The following ABLIM1 variants were observed in gnomAD, a reference collection of about 807,000 sequenced individuals.
ABLIM1 encodes the protein actin binding LIM protein 1.
In ABLIM1, 40 loss-of-function variants were observed where a neutral mutation model predicts 107.0. The observed-to-expected ratio is 0.37, with a 90% CI of 0.29 to 0.49. The LOEUF (loss-of-function observed/expected upper bound fraction) is 0.49. Ranked by LOEUF, ABLIM1 falls within the 20% of genes least tolerant of loss-of-function variation. ABLIM1 has a pLI of 0.97. For missense variants in ABLIM1, 857 were observed against 1,008.5 expected, an observed-to-expected ratio of 0.85 and a Z score of 2.04; for synonymous variants, 357 against 357.3, an observed-to-expected ratio of 1.00 and a Z score of 0.01.
chr10:114,461,036 T>A (rs946764280), intron 12 of ABLIM1, among the ~76,000 whole-genome samples: 9 of 152,140 alleles, frequency 5.9e-5, no homozygotes, highest in African/African-American at 2.2e-4. Flanking sequence ...TTCTTAAATA[T>A]CAGAAATAAC....
chr10:114,660,694 A>T (rs2079755436), upstream of ABLIM1, among the ~76,000 whole-genome samples: 1 of 152,210 alleles, frequency 6.6e-6, no homozygotes, highest in Admixed American at 6.5e-5. Flanking sequence ...TGCTCTTTGC[A>T]AACTGAGAAC....
At chr10:114,794,659 A>G in the ABLIM1 span, among the ~76,000 whole-genome samples, 1 of 152,242 alleles carries the variant, frequency 6.6e-6, no homozygotes, top group Non-Finnish European at 1.5e-5. Flanking sequence ...TTCAAACTAC[A>G]TACTAATCAC....
intron 8 of ABLIM1, among the ~76,000 whole-genome samples, chr10:114,482,349 A>G (rs954674530): frequency 6.6e-6 from 1 of 152,204 alleles, no homozygotes; most frequent in Non-Finnish European, 1.5e-5. Context: ...CTTTCCTGCT[A>G]TAGATTTTAC....
At chr10:114,558,753 C>T (rs1414467328) in intron 4 of ABLIM1, among the ~76,000 whole-genome samples, 4 of 152,116 alleles carry the variant, frequency 2.6e-5, no homozygotes, top group Non-Finnish European at 5.9e-5. Context: ...GTTCATTTCT[C>T]TGAACAATAA....
At chr10:114,597,531 A>C (rs2075545702) in intron 2 of ABLIM1, among the ~76,000 whole-genome samples, 1 of 152,104 alleles carries the variant, frequency 6.6e-6, no homozygotes, top group South Asian at 2.1e-4. Context: ...AGGAAGGAAA[A>C]GGAAAGAAAT....
chr10:114,787,586 T>G, the ABLIM1 span, among the ~76,000 whole-genome samples: 4 of 125,702 alleles, frequency 3.2e-5, no homozygotes, highest in African/African-American at 6.2e-5. Flanking sequence ...AGGTGGGGGG[T>G]CAGCCCCCCG....
intron 6 of ABLIM1, among the ~76,000 whole-genome samples, chr10:114,516,034 G>A (rs140974823): frequency 9.9e-4 from 150 of 152,280 alleles, no homozygotes; most frequent in African/African-American, 3.0e-3. Context: ...GGTTTGAGGT[G>A]AGTTTCTGTC....
In ABLIM1 at chr10:114,526,585, C is replaced by T. The variant is rs887385239; in HGVS notation, c.894+18420G>A. On this transcript the variant is annotated intron_variant, in intron 6 of 22. Coordinates refer to ENST00000533213, the MANE Select transcript of ABLIM1 (RefSeq NM_002313.7). ...AGGATCCGAGCGGCCTCCGACCTCA[C>T]GAAGGAAGCCAGAAATCTCACATCT... 3 of 981,422 alleles carry T rather than the reference C, an allele frequency of 3.1e-6. No homozygotes were observed. The African/African-American group carries it at 5.2e-5, about 17-fold the overall frequency. 60.8% of individuals were successfully genotyped at this position (981,422 alleles called of 1,614,324 possible). A position where few individuals can be genotyped will look rare whatever the true frequency, so the allele number is the denominator to read the frequency against.
intron 2 of ABLIM1, among the ~76,000 whole-genome samples, chr10:114,591,056 A>G (rs2139607428): frequency 6.6e-6 from 1 of 152,310 alleles, no homozygotes; most frequent in East Asian, 1.9e-4. Flanking sequence ...CACTAATTCA[A>G]TCTAATTAGT....
chr10:114,562,259 G>A (rs1332929833), intron 4 of ABLIM1, among the ~76,000 whole-genome samples: 1 of 152,204 alleles, frequency 6.6e-6, no homozygotes, highest in Non-Finnish European at 1.5e-5. Flanking sequence ...GCCAGGCGCG[G>A]TGGCTCACGC....
At chr10:114,564,461 T>C (rs1156805188) in intron 4 of ABLIM1, among the ~76,000 whole-genome samples, 1 of 151,006 alleles carries the variant, frequency 6.6e-6, no homozygotes, top group African/African-American at 2.4e-5. Flanking sequence ...TTAATAGAGA[T>C]GGGGTTTCAC....
At chr10:114,625,613 C>T (rs1449619533) in intron 1 of ABLIM1, among the ~76,000 whole-genome samples, 1 of 152,110 alleles carries the variant, frequency 6.6e-6, no homozygotes, top group African/African-American at 2.4e-5. Context: ...GGAAGCCAAA[C>T]TTGAGTTAGA....
At chr10:114,680,564 T>C in intron 1 of ABLIM1, among the ~76,000 whole-genome samples, 1 of 152,144 alleles carries the variant, frequency 6.6e-6, no homozygotes, top group East Asian at 1.9e-4. Context: ...GCAGAAATGG[T>C]TTCTGAGGAC....
chr10:114,604,809 C>G (rs893114688), intron 1 of ABLIM1, among the ~76,000 whole-genome samples: 1 of 152,186 alleles, frequency 6.6e-6, no homozygotes, highest in African/African-American at 2.4e-5. Context: ...TCTCTTGACA[C>G]TTGAATTTCT....
At chr10:114,489,655 A>C (rs1455203478) in intron 7 of ABLIM1, among the ~76,000 whole-genome samples, 1 of 152,182 alleles carries the variant, frequency 6.6e-6, no homozygotes, top group African/African-American at 2.4e-5. Flanking sequence ...GCTCAGGAGA[A>C]GCATTCGCCG....
At chr10:114,505,772 C>T (rs1164718500) in intron 6 of ABLIM1, among the ~76,000 whole-genome samples, 1 of 152,202 alleles carries the variant, frequency 6.6e-6, no homozygotes, top group African/African-American at 2.4e-5. Context: ...TCTGTGATAG[C>T]TCTCCTTCCC....
At chr10:114,625,423 A>G (rs2077726678) in intron 1 of ABLIM1, among the ~76,000 whole-genome samples, 1 of 152,176 alleles carries the variant, frequency 6.6e-6, no homozygotes, top group South Asian at 2.1e-4. Flanking sequence ...TAGAGGCAGC[A>G]ACACTTCACA....
chr10:114,610,907 A>G (rs2076763807), intron 1 of ABLIM1, among the ~76,000 whole-genome samples: 1 of 152,138 alleles, frequency 6.6e-6, no homozygotes, highest in South Asian at 2.1e-4. Context: ...TAATCCCAGC[A>G]CTTTGGGAGG....
chr10:114,545,775 C>A lies in ABLIM1; in HGVS notation c.801-677G>T, dbSNP rs182424865. Reference sequence around the variant, plus strand: ...CCCTGTTTCTACTTTAAAAAAAATACAAAAATTAGCCAGGTGTGGTGAGGT... The same window carrying A: ...CCCTGTTTCTACTTTAAAAAAAATAAAAAAATTAGCCAGGTGTGGTGAGGT... On this transcript the variant is annotated intron_variant, in intron 5 of 22. Coordinates refer to ENST00000533213, the MANE Select transcript of ABLIM1 (RefSeq NM_002313.7). 2.8e-3 allele frequency among the ~76,000 whole-genome samples: 432 copies of A among 151,648 alleles called. 5 individuals are homozygous for A. Among genetic ancestry groups the A allele is most frequent in the African/African-American group, 0.01 (419 of 41,328 alleles).
Sources: gnomAD v4.1 joint callset for allele counts (sites outside exome capture counted in the v4.1 genomes callset) on GRCh38, gnomAD v4.1.1 for gene constraint, MANE v1.5 for transcripts, NCBI Gene and HGNC (gene_info 2026-07-23, HGNC 2026-07-21) for gene names.